Variants in MROH2B observed in about 807,000 individuals in gnomAD.
The protein encoded by MROH2B is maestro heat-like repeat-containing protein family member 2B.
In MROH2B, 177 loss-of-function variants were observed where a neutral mutation model predicts 208.6. The observed-to-expected ratio is 0.85, with a 90% CI of 0.75 to 0.96. MROH2B has a LOEUF of 0.96. Among genes scored for constraint, MROH2B ranks in the 40% least tolerant of loss-of-function variants. The probability of loss-of-function intolerance (pLI) is 0.00; values close to 1 mark genes in which losing one functional copy is unlikely to be tolerated. For missense variants in MROH2B, 2,002 were observed against 1,878.7 expected (o/e 1.07, Z -1.21); for synonymous variants, 728 against 659.0 (o/e 1.10, Z -1.60).
At chr5:41,047,909 A>G in intron 16 of MROH2B, 145 bp from the exon 17 acceptor site, 2 of 698,092 alleles carry the variant, frequency 2.9e-6, no homozygotes, top group Non-Finnish European at 4.9e-6. Flanking sequence ...CAAATTTACT[A>G]CACTGGCAAC....
intron 12 of MROH2B, 149 bp downstream of exon 12, chr5:41,052,316 T>C: frequency 1.5e-6 from 1 of 673,470 alleles, no homozygotes. Context: ...TGAATTCCAG[T>C]TATTTTTAAT....
At chr5:41,029,889 G>T (rs1162822370) in intron 24 of MROH2B, among the ~76,000 whole-genome samples, 1 of 151,918 alleles carries the variant, frequency 6.6e-6, no homozygotes, top group Non-Finnish European at 1.5e-5. Flanking sequence ...AGATTCATTT[G>T]TACCCCAAGT....
At chr5:41,051,131 A>G in intron 12 of MROH2B, 41 bp from the exon 13 acceptor site, 1 of 1,361,506 alleles carries the variant, frequency 7.3e-7, no homozygotes, top group Non-Finnish European at 9.7e-7. Context: ...AATGACTCCT[A>G]AGGTTGGTCC....
chr5:41,049,734 G>C (rs1428120480), intron 13 of MROH2B, among the ~76,000 whole-genome samples: 1 of 152,134 alleles, frequency 6.6e-6, no homozygotes, highest in Non-Finnish European at 1.5e-5. Flanking sequence ...TAGCATCCCT[G>C]AGCCCCACTT....
Position 41,065,365 on chromosome 5 carries a change from A to C in MROH2B, c.327T>G (p.Val109=). The C allele has an allele frequency of 6.2e-7, 1 of 1,613,394 alleles. No homozygotes were observed. Among genetic ancestry groups the C allele is most frequent in the Non-Finnish European group, 8.5e-7 (1 of 1,179,594 alleles). Residue 109 remains valine, a synonymous_variant, in exon 4 of 42, where the codon GTT becomes GTG. Coordinates refer to ENST00000399564, the MANE Select transcript of MROH2B (RefSeq NM_173489.5). ...FRILELPDEF[V]VLALAELATS... is the part of the protein sequence containing the mutation. Reference sequence around the variant, plus strand: ...TTGCCAATTCAGCCAGGGCAAGCACAACGAATTCATCTGGTAGCTCTAAGA... The same window carrying C: ...TTGCCAATTCAGCCAGGGCAAGCACCACGAATTCATCTGGTAGCTCTAAGA...
Position 41,009,351 on chromosome 5 carries a change from G to A in MROH2B, c.3349C>T (p.Leu1117Phe). The change falls in exon 32 of 42, where the codon CTC (leucine) becomes TTC (phenylalanine). Residue 1117 changes from leucine (L) to phenylalanine (F), a missense_variant. Physicochemically the swap from Leu to Phe is conservative, Grantham distance 22. Coordinates refer to ENST00000399564, the MANE Select transcript of MROH2B (RefSeq NM_173489.5). ...LAEKPASSGK[L>F]LQALIDKLET... ...AGTTTGTCTATTAAGGCTTGCAAGAGTTTCCCACTGGAGGCTGGCTTTTCA... is the reference window on the plus strand; with the variant it reads ...AGTTTGTCTATTAAGGCTTGCAAGAATTTCCCACTGGAGGCTGGCTTTTCA... The A allele has an allele frequency of 1.2e-6, 2 of 1,613,910 alleles. No homozygotes were observed. Among genetic ancestry groups the A allele is most frequent in the African/African-American group, 2.7e-5 (2 of 75,038 alleles).
intron 7 of MROH2B, 65 bp downstream of exon 7, chr5:41,057,998 T>TA (rs1743514550): frequency 7.2e-7 from 1 of 1,394,908 alleles, no homozygotes; most frequent in South Asian, 1.9e-5. Flanking sequence ...TTTTGAGACT[T>TA]AAAAGCCTCC....
chr5:41,044,326 T>TA (rs1374047964), intron 18 of MROH2B, among the ~76,000 whole-genome samples: 3 of 151,926 alleles, frequency 2.0e-5, no homozygotes, highest in African/African-American at 7.3e-5. Context: ...ATTAGATGAC[T>TA]ACCCACCTGA....
intron 17 of MROH2B, among the ~76,000 whole-genome samples, chr5:41,046,106 A>G (rs903755276): frequency 3.9e-5 from 6 of 152,142 alleles, no homozygotes; most frequent in African/African-American, 1.4e-4. Flanking sequence ...CTTCCTTTAA[A>G]TAAATATTGC....
chr5:41,008,772 C>T lies in MROH2B; in HGVS notation c.3442G>A (p.Val1148Met). ...GTGACAGAGGTGCCCATTGAGATCA[C>T]TTCATACATAGCACAGGCCACCTGA... ...AISVACAMYE[V>M]ISMGTSVTGL... is the part of the protein sequence containing the mutation. Residue 1148 changes from valine to methionine, a missense_variant, in exon 33 of 42, where the codon GTG becomes ATG. Physicochemically the swap from Val to Met is conservative, Grantham distance 21 (BLOSUM62 1). Coordinates refer to ENST00000399564, the MANE Select transcript of MROH2B (RefSeq NM_173489.5). 6.2e-7 allele frequency: 1 copy of T among 1,613,398 alleles called. No individual in the cohort carries two copies. The highest frequency in any genetic ancestry group is 8.5e-7 in the Non-Finnish European group (1 of 1,179,602).
chr5:41,025,687 A>C (rs1429564239), intron 24 of MROH2B, among the ~76,000 whole-genome samples: 1 of 152,224 alleles, frequency 6.6e-6, no homozygotes, highest in African/African-American at 2.4e-5. Flanking sequence ...TCATTTTATG[A>C]GGCCAGCATC....
intron 6 of MROH2B, among the ~76,000 whole-genome samples, chr5:41,061,126 C>T (rs1009785340): frequency 2.0e-5 from 3 of 152,188 alleles, no homozygotes; most frequent in Non-Finnish European, 2.9e-5. Context: ...TTTATTTAAT[C>T]ATGATATTCA....
At chr5:41,058,304 A>C (rs1317025776) in intron 6 of MROH2B, 101 bp from the exon 7 acceptor site, 17 of 1,180,984 alleles carry the variant, frequency 1.4e-5, no homozygotes, top group Middle Eastern at 4.2e-4. Context: ...AACTTTCCTC[A>C]CTGCTTTCAG....
intron 19 of MROH2B, among the ~76,000 whole-genome samples, chr5:41,040,864 A>G (rs936870951): frequency 6.6e-6 from 1 of 151,912 alleles, no homozygotes; most frequent in Non-Finnish European, 1.5e-5. Context: ...ATGGGGTTTC[A>G]CTATGTTAGC....
At chr5:41,048,262 C>A (rs547207107) in intron 16 of MROH2B, 62 bp downstream of exon 16, 5 of 1,510,968 alleles carry the variant, frequency 3.3e-6, no homozygotes, top group Middle Eastern at 1.8e-4. Context: ...CACAGAGAAA[C>A]GGTGCATTAT....
At chr5:41,000,424 T>A in intron 38 of MROH2B, 73 bp from the exon 39 acceptor site, 1 of 1,565,538 alleles carries the variant, frequency 6.4e-7, no homozygotes, top group Non-Finnish European at 8.6e-7. Flanking sequence ...AAATGCTGAA[T>A]AGTACTGGGA....
intron 15 of MROH2B, 22 bp from the exon 16 acceptor site, chr5:41,048,487 G>A: frequency 1.3e-6 from 2 of 1,578,922 alleles, no homozygotes; most frequent in South Asian, 1.2e-5. Context: ...AAGAGAAGGA[G>A]CTCATCAATT....
At chr5:41,024,263 C>T (rs577881804) in intron 24 of MROH2B, among the ~76,000 whole-genome samples, 1 of 152,114 alleles carries the variant, frequency 6.6e-6, no homozygotes, top group South Asian at 2.1e-4. Context: ...AGTCAAGACC[C>T]ACCAGTGTGC....
chr5:41,004,756 C>T lies in MROH2B; in HGVS notation c.4011+18G>A. The T allele has an allele frequency of 6.2e-7, 1 of 1,606,666 alleles. No individual in the cohort carries two copies. ...AACTCTACTTAAATGAACCATTTCC[C>T]CTTAAAACGCCTTTTACCTTGTGAG... On this transcript the variant is annotated intron_variant, in intron 36 of 41. Transcript: ENST00000399564.
Sources: gnomAD v4.1 joint callset for allele counts (sites outside exome capture counted in the v4.1 genomes callset) on GRCh38, gnomAD v4.1.1 for gene constraint, MANE v1.5 for transcripts, NCBI Gene and HGNC (gene_info 2026-07-23, HGNC 2026-07-21) for gene names.